PPFIA1: variants seen among roughly 807,000 people sequenced by gnomAD.
The protein encoded by PPFIA1 is liprin-alpha-1.
Under a neutral mutation model 149.9 loss-of-function variants are expected in PPFIA1, and 25 were observed. The observed-to-expected ratio is 0.17, with a 90% CI of 0.12 to 0.23. PPFIA1 has a LOEUF of 0.23. PPFIA1 is among the 10% of genes least tolerant of loss of function. The pLI, the probability that PPFIA1 is intolerant of heterozygous loss-of-function variation, is 1.00. For synonymous variants in PPFIA1, 549 were observed against 552.8 expected (o/e 0.99, Z 0.10); for missense variants, 1,362 against 1,506.5 (o/e 0.90, Z 1.59).
At chr11:70,289,491 T>A (rs889894677) in intron 2 of PPFIA1, among the ~76,000 whole-genome samples, 5 of 152,242 alleles carry the variant, frequency 3.3e-5, no homozygotes, top group Non-Finnish European at 7.3e-5. Context: ...ACATTGTTCT[T>A]ACAAACAACC....
intron 21 of PPFIA1, chr11:70,367,602 A>G (rs750689537): frequency 2.2e-5 from 10 of 455,210 alleles, no homozygotes; most frequent in Middle Eastern, 4.3e-4. Flanking sequence ...TTTTTCCAGA[A>G]GGCTGCTAAG....
At chr11:70,272,869 T>A (rs2050174900) in intron 2 of PPFIA1, among the ~76,000 whole-genome samples, 1 of 152,322 alleles carries the variant, frequency 6.6e-6, no homozygotes, top group South Asian at 2.1e-4. Context: ...AAAAAAAAAA[T>A]TATTTTGATA....
intron 2 of PPFIA1, among the ~76,000 whole-genome samples, chr11:70,320,576 G>A (rs2053878909): frequency 1.3e-5 from 2 of 151,296 alleles, no homozygotes; most frequent in African/African-American, 2.4e-5. Flanking sequence ...CTGGGTCTAC[G>A]CATGGTGTGT....
intron 23 of PPFIA1, 55 bp downstream of exon 23, chr11:70,372,629 G>T: frequency 7.1e-7 from 1 of 1,407,750 alleles, no homozygotes; most frequent in Non-Finnish European, 9.9e-7. Context: ...GGTGTGTTTG[G>T]AGCCTCAGTG....
intron 2 of PPFIA1, among the ~76,000 whole-genome samples, chr11:70,272,748 C>T (rs1398669936): frequency 2.0e-5 from 3 of 152,276 alleles, no homozygotes; most frequent in Admixed American, 1.3e-4. Context: ...TTGGTGCCTC[C>T]ATTCTGTTGT....
chr11:70,347,185 A>G (rs911821837), intron 15 of PPFIA1, among the ~76,000 whole-genome samples: 3 of 152,240 alleles, frequency 2.0e-5, no homozygotes, highest in African/African-American at 7.2e-5. Context: ...AGAAATCTGT[A>G]GATTTCTTCA....
At chr11:70,380,349 C>T (rs893693655) in intron 26 of PPFIA1, among the ~76,000 whole-genome samples, 5 of 150,694 alleles carry the variant, frequency 3.3e-5, no homozygotes, top group African/African-American at 9.8e-5. Context: ...GGGAGGATCA[C>T]GAGGTCAGGA....
chr11:70,296,539 A>C (rs2052036002), intron 2 of PPFIA1, among the ~76,000 whole-genome samples: 1 of 152,032 alleles, frequency 6.6e-6, no homozygotes, highest in Admixed American at 6.6e-5. Flanking sequence ...AAAACCAGTC[A>C]GGCGTGGCGG....
intron 11 of PPFIA1, among the ~76,000 whole-genome samples, chr11:70,337,067 G>T (rs2055024358): frequency 6.6e-6 from 1 of 152,204 alleles, no homozygotes; most frequent in Admixed American, 6.5e-5. Context: ...CCAAGAAATT[G>T]TAAAGCCTAA....
intron 7 of PPFIA1, chr11:70,327,607 TAA>T (rs1455038938): frequency 6.6e-6 from 1 of 151,630 alleles, no homozygotes; most frequent in Non-Finnish European, 1.5e-5. Context: ...CCGTCTCTAC[TAA>T]AAAATACAAA....
At chr11:70,342,626 G>C (rs2055403960) in intron 14 of PPFIA1, among the ~76,000 whole-genome samples, 1 of 151,822 alleles carries the variant, frequency 6.6e-6, no homozygotes, top group Non-Finnish European at 1.5e-5. Context: ...GGCGGGATGT[G>C]GACACGCAGG....
At chr11:70,309,423 C>A (rs531844286) in intron 2 of PPFIA1, among the ~76,000 whole-genome samples, 7 of 152,304 alleles carry the variant, frequency 4.6e-5, no homozygotes, top group Admixed American at 2.0e-4. Context: ...CCCGCCTTGG[C>A]CTCCCAAAGT....
chr11:70,281,633 A>G (rs1342159586), intron 2 of PPFIA1, among the ~76,000 whole-genome samples: 1 of 152,136 alleles, frequency 6.6e-6, no homozygotes, highest in Non-Finnish European at 1.5e-5. Context: ...GGGGCTTTCT[A>G]GAGCTCTGTA....
At chr11:70,334,142 G>A (rs1300914576) in intron 10 of PPFIA1, among the ~76,000 whole-genome samples, 1 of 152,220 alleles carries the variant, frequency 6.6e-6, no homozygotes, top group East Asian at 1.9e-4. Context: ...TCCTGAAAGA[G>A]TTGGGTGGAT....
intron 10 of PPFIA1, chr11:70,334,611 A>G (rs2054859515): frequency 6.6e-6 from 1 of 152,244 alleles, no homozygotes; most frequent in African/African-American, 2.4e-5. Context: ...CGTATGGCAC[A>G]TGATGTGCTG....
chr11:70,295,156 T>C (rs188630869), intron 2 of PPFIA1, among the ~76,000 whole-genome samples: 31,912 of 145,522 alleles, frequency 0.22, 5,696 homozygotes, highest in African/African-American at 0.48. Context: ...CCTCACCTCC[T>C]GGGTGGGGCG....
intron 2 of PPFIA1, among the ~76,000 whole-genome samples, chr11:70,274,348 G>A (rs2050262065): frequency 6.6e-6 from 1 of 152,054 alleles, no homozygotes; most frequent in Admixed American, 6.6e-5. Flanking sequence ...TTTTCACAAA[G>A]TTAACACACT....
intron 2 of PPFIA1, among the ~76,000 whole-genome samples, chr11:70,315,543 C>T (rs941517875): frequency 3.3e-5 from 5 of 152,070 alleles, no homozygotes; most frequent in South Asian, 4.1e-4. Context: ...TAGACTGAGG[C>T]GAGTAGCTTC....
At chr11:70,299,938 A>G (rs1257784270) in intron 2 of PPFIA1, among the ~76,000 whole-genome samples, 3 of 152,174 alleles carry the variant, frequency 2.0e-5, no homozygotes, top group Non-Finnish European at 4.4e-5. Context: ...GTGTCTGTCT[A>G]GGCGCAGGAA....
Sources: gnomAD v4.1 joint callset for allele counts (sites outside exome capture counted in the v4.1 genomes callset) on GRCh38, gnomAD v4.1.1 for gene constraint, MANE v1.5 for transcripts, NCBI Gene and HGNC (gene_info 2026-07-23, HGNC 2026-07-21) for gene names.